The following DUSP3 variants were observed in gnomAD, a reference collection of about 807,000 sequenced individuals.
DUSP3 encodes the protein dual specificity phosphatase 3.
A neutral mutation model predicts 15.5 loss-of-function variants in DUSP3; 7 were observed. That is an observed-to-expected ratio of 0.45 (90% CI 0.26 to 0.85). The LOEUF is 0.85. DUSP3 is among the 40% of genes least tolerant of loss of function. The pLI is 0.18. For missense variants in DUSP3, 209 were observed against 251.7 expected (o/e 0.83, Z 1.15); for synonymous variants, 86 against 104.2 (o/e 0.83, Z 1.07).
chr17:43,775,110 C>G (rs150755947), intron 1 of DUSP3, among the ~76,000 whole-genome samples, 172 bp from the exon 2 acceptor site: 2 of 152,214 alleles, frequency 1.3e-5, no homozygotes, highest in African/African-American at 4.8e-5. Flanking sequence ...CTGGCCATAT[C>G]GAATTGCCAG....
At chr17:43,770,015 G>A (rs957209829) in intron 2 of DUSP3, among the ~76,000 whole-genome samples, 1 of 152,276 alleles carries the variant, frequency 6.6e-6, no homozygotes, top group South Asian at 2.1e-4. Flanking sequence ...GCGTGGCTGG[G>A]GGAGGTGAGG....
At chr17:43,776,301 C>T (rs4792912) in intron 1 of DUSP3, among the ~76,000 whole-genome samples, 9,285 of 152,344 alleles carry the variant, frequency 0.061, 340 homozygotes, top group East Asian at 0.14. Context: ...GGCAATATCC[C>T]TGCTTAACAG....
Position 43,774,881 on chromosome 17 carries a change from G to A in DUSP3, c.183C>T (p.Asn61=), listed in dbSNP as rs148312361. The A allele has an allele frequency of 2.2e-3, 3,528 of 1,614,198 alleles. 5 individuals carry two copies. Among genetic ancestry groups the A allele is most frequent in the Non-Finnish European group, 2.7e-3 (3,153 of 1,180,040 alleles). The change falls in exon 2 of 3, where the codon AAC becomes AAT. Residue 61 remains asparagine, a synonymous_variant. Coordinates refer to ENST00000226004, the MANE Select transcript of DUSP3 (RefSeq NM_004090.4). ...LQKLGITHVL[N]AAEGRSFMHV... ...GCATGAAGGACCTGCCCTCAGCCGC[G>A]TTCAGCACATGGGTGATGCCTAGTT...
At chr17:43,776,370 C>T (rs538486280) in intron 1 of DUSP3, among the ~76,000 whole-genome samples, 2 of 152,356 alleles carry the variant, frequency 1.3e-5, no homozygotes, top group Admixed American at 1.3e-4. Flanking sequence ...CCGTGTGCTG[C>T]TGGTGGCAGA....
chr17:43,775,036 AAACCC>A, intron 1 of DUSP3, 98 bp from the exon 2 acceptor site: 4 of 1,265,914 alleles, frequency 3.2e-6, no homozygotes, highest in Non-Finnish European at 4.6e-6. Flanking sequence ...CAAAGCAAGG[AAACCC>A]TCCATGCTCT....
Position 43,766,583 on chromosome 17 carries a change from C to T in DUSP3, c.*3026G>A, listed in dbSNP as rs1024342331. The T allele has an allele frequency of 7.9e-5, 12 of 152,200 alleles. No homozygotes were observed. Among genetic ancestry groups the T allele is most frequent in the African/African-American group, 2.9e-4 (12 of 41,274 alleles). 9.4% of individuals were successfully genotyped at this position (152,200 alleles called of 1,614,324 possible). ...ATTCCCTTTCCAAACCATCCATCAC[C>T]ATGGGTGGAAGGCAGCGCCACCTGC... On this transcript the variant is annotated 3_prime_UTR_variant, in exon 3 of 3. Coordinates refer to ENST00000226004, the MANE Select transcript of DUSP3 (RefSeq NM_004090.4).
chr17:43,771,955 A>G (rs1974325602), intron 2 of DUSP3, among the ~76,000 whole-genome samples: 1 of 149,086 alleles, frequency 6.7e-6, no homozygotes, highest in African/African-American at 2.5e-5. Context: ...GGGTGCAGTG[A>G]GCTGAGATTG....
Position 43,768,827 on chromosome 17 carries a change from G to A in DUSP3, c.*782C>T, listed in dbSNP as rs1389267416. On this transcript the variant is annotated 3_prime_UTR_variant, in exon 3 of 3. Coordinates refer to ENST00000226004, the MANE Select transcript of DUSP3 (RefSeq NM_004090.4). ...AAGAAAAAAAAAAAAGCATGCCCAA[G>A]GCATCACTCTTCTCAAAAACGAAGT... is the stretch of plus-strand genomic sequence containing the variant. The A allele has an allele frequency of 6.6e-6, 1 of 151,732 alleles. No individual in the cohort carries two copies. 9.4% of individuals were successfully genotyped at this position (151,732 alleles called of 1,614,324 possible).
At chr17:43,773,139 C>T (rs1030216318) in intron 2 of DUSP3, among the ~76,000 whole-genome samples, 3 of 152,136 alleles carry the variant, frequency 2.0e-5, no homozygotes, top group African/African-American at 7.2e-5. Flanking sequence ...GCAGATACTC[C>T]ACAGTAAAGC....
At chr17:43,772,422 C>T (rs1157159352) in intron 2 of DUSP3, among the ~76,000 whole-genome samples, 1 of 152,178 alleles carries the variant, frequency 6.6e-6, no homozygotes, top group South Asian at 2.1e-4. Flanking sequence ...ACAGAGCCTA[C>T]TGGGAAAGGG....
chr17:43,777,759 A>G (rs1974407345), intron 1 of DUSP3: 1 of 256,042 alleles, frequency 3.9e-6, no homozygotes. Context: ...TGAGGCTCCT[A>G]TTTCACATCT....
At chr17:43,774,568 G>C in intron 2 of DUSP3, 144 bp downstream of exon 2, 1 of 904,256 alleles carries the variant, frequency 1.1e-6, no homozygotes, top group Non-Finnish European at 1.7e-6. Context: ...CAGGTGAGCA[G>C]AGAGAGACCT....
Position 43,769,594 on chromosome 17 carries a change from G to T in DUSP3, c.*15C>A. ...CTCCCCCACGGACCTCTCGAGCAGA[G>T]GTGGTGGGGGTGCCCTAGGGTTTCA... On this transcript the variant is annotated 3_prime_UTR_variant, in exon 3 of 3. Transcript: ENST00000226004. The T allele has an allele frequency of 6.2e-7, 1 of 1,610,650 alleles. No individual in the cohort carries two copies. Among genetic ancestry groups the T allele is most frequent in the Non-Finnish European group, 8.5e-7 (1 of 1,179,404 alleles).
chr17:43,773,551 G>A (rs1412560174), intron 2 of DUSP3, among the ~76,000 whole-genome samples: 1 of 152,212 alleles, frequency 6.6e-6, no homozygotes, highest in Non-Finnish European at 1.5e-5. Context: ...GGGGGCTGTG[G>A]TTTGCTGACT....
chr17:43,776,826 G>GTTT (rs1226601904), intron 1 of DUSP3, among the ~76,000 whole-genome samples: 1 of 152,214 alleles, frequency 6.6e-6, no homozygotes, highest in Non-Finnish European at 1.5e-5. Flanking sequence ...AAGAGGAAGG[G>GTTT]TGTCTCTAGA....
In DUSP3 at chr17:43,768,159, C is replaced by A. The variant is rs1230401; in HGVS notation, c.*1450G>T. The A allele has an allele frequency of 0.9, 136,594 of 152,172 alleles. 61,501 individuals are homozygous for A. Among genetic ancestry groups the A allele is most frequent in the Non-Finnish European group, 0.93 (63,005 of 68,038 alleles). The allele number at this position is 152,172 out of a possible 1,614,324, so 9.4% of individuals were successfully genotyped here. ...ATATTTGGTGCTCAAAAAGTGTTTA[C>A]TTTCTTAAACTTTTATCAGACACCT... On this transcript the variant is annotated 3_prime_UTR_variant, in exon 3 of 3. Transcript: ENST00000226004.
At chr17:43,776,661 G>C (rs1318814989) in intron 1 of DUSP3, among the ~76,000 whole-genome samples, 1 of 152,228 alleles carries the variant, frequency 6.6e-6, no homozygotes, top group Non-Finnish European at 1.5e-5. Context: ...GGCAAGGGAT[G>C]TATTTTCTAC....
In DUSP3 at chr17:43,769,761, T is replaced by C. The variant is rs1895727403; in HGVS notation, c.406A>G (p.Ile136Val). The stretch of plus-strand genomic sequence containing the variant: ...TTCTGCCGCATCATGAGGTAGGCGA[T>C]AACTAGCGTTGGGGAGCGGCTATAA... ...EGYSRSPTLVIAYLMMRQKMD... is the reference protein window; with the variant it reads ...EGYSRSPTLVVAYLMMRQKMD... Residue 136 changes from isoleucine (I) to valine (V), a missense_variant, in exon 3 of 3, where the codon ATC becomes GTC. Transcript: ENST00000226004. The C allele has an allele frequency of 1.2e-6, 2 of 1,613,990 alleles. No individual in the cohort carries two copies. Among genetic ancestry groups the C allele is most frequent in the East Asian group, 2.2e-5 (1 of 44,886 alleles).
intron 2 of DUSP3, among the ~76,000 whole-genome samples, chr17:43,772,697 G>C (rs1974334125): frequency 6.6e-6 from 1 of 152,202 alleles, no homozygotes; most frequent in South Asian, 2.1e-4. Flanking sequence ...CATTTGCAGT[G>C]TACCTACTAT....
Sources: allele counts gnomAD v4.1 joint callset (sites outside exome capture counted in the v4.1 genomes callset), GRCh38; gene constraint gnomAD v4.1.1; transcripts MANE v1.5; gene names NCBI Gene and HGNC (gene_info 2026-07-23, HGNC 2026-07-21).